C4BPA: variants seen among roughly 807,000 people sequenced by gnomAD.
C4BPA encodes C4b-binding protein alpha chain.
In C4BPA, 31 loss-of-function variants were observed where a neutral mutation model predicts 63.7. That is an observed-to-expected ratio of 0.49 (90% CI 0.37 to 0.66). The LOEUF (loss-of-function observed/expected upper bound fraction) is 0.66. Ranked by LOEUF, C4BPA falls within the 30% of genes least tolerant of loss-of-function variation. The probability of loss-of-function intolerance (pLI) is 0.00; values close to 1 mark genes in which losing one functional copy is unlikely to be tolerated. For missense variants in C4BPA, 572 were observed against 723.3 expected, an observed-to-expected ratio of 0.79 and a Z score of 2.40; for synonymous variants, 259 against 254.7, an observed-to-expected ratio of 1.02 and a Z score of -0.16.
At chr1:207,138,533 G>A (rs2102362068) in intron 9 of C4BPA, among the ~76,000 whole-genome samples, 1 of 152,304 alleles carries the variant, frequency 6.6e-6, no homozygotes, top group South Asian at 2.1e-4. Context: ...GATCTATGGT[G>A]TAACTGTCCT....
intron 9 of C4BPA, among the ~76,000 whole-genome samples, chr1:207,137,229 T>C (rs1012970133): frequency 1.3e-5 from 2 of 152,170 alleles, no homozygotes; most frequent in East Asian, 1.9e-4. Flanking sequence ...GGGGTGGAGG[T>C]GATCTCTCAC....
chr1:207,107,789 A>G (rs976911496), intron 1 of C4BPA, among the ~76,000 whole-genome samples: 3 of 152,176 alleles, frequency 2.0e-5, no homozygotes, highest in African/African-American at 4.8e-5. Context: ...GTCTAGGGTG[A>G]GGGGAAGGGA....
intron 1 of C4BPA, among the ~76,000 whole-genome samples, chr1:207,111,524 T>C (rs1243364907): frequency 1.3e-5 from 2 of 152,100 alleles, no homozygotes; most frequent in East Asian, 3.9e-4. Context: ...CTTATGTGAG[T>C]CTTTACTCAA....
intron 9 of C4BPA, among the ~76,000 whole-genome samples, chr1:207,137,601 GT>G (rs1210034487): frequency 3.3e-5 from 5 of 151,538 alleles, no homozygotes; most frequent in African/African-American, 1.2e-4. Flanking sequence ...GTTTTGTTTT[GT>G]TTTGTTTTGT....
At chr1:207,121,511 T>C (rs1235439389) in intron 4 of C4BPA, among the ~76,000 whole-genome samples, 1 of 152,076 alleles carries the variant, frequency 6.6e-6, no homozygotes, top group Non-Finnish European at 1.5e-5. Flanking sequence ...TGAAACACTT[T>C]TAGGTTTGTC....
chr1:207,122,832 C>T (rs1256676001), intron 4 of C4BPA, among the ~76,000 whole-genome samples: 4 of 152,150 alleles, frequency 2.6e-5, no homozygotes, highest in African/African-American at 9.7e-5. Flanking sequence ...CCTCAGCGTC[C>T]CAAAGTACTG....
At chr1:207,119,059 T>A (rs952066783) in intron 4 of C4BPA, among the ~76,000 whole-genome samples, 2 of 45,498 alleles carry the variant, frequency 4.4e-5, no homozygotes, top group Non-Finnish European at 6.5e-5. Flanking sequence ...GATGAGCGAG[T>A]AAAGCCCACC....
chr1:207,112,189 C>CAT (rs146131868), intron 1 of C4BPA, among the ~76,000 whole-genome samples: 20 of 151,166 alleles, frequency 1.3e-4, no homozygotes, highest in African/African-American at 1.9e-4. Context: ...GTATATTTTT[C>CAT]ATATATATAT....
chr1:207,127,068 A>C (rs957459820), intron 7 of C4BPA, 173 bp downstream of exon 7: 3 of 546,866 alleles, frequency 5.5e-6, no homozygotes, highest in Non-Finnish European at 6.4e-6. Context: ...ATTTTAGTGC[A>C]CTCTGCAAGG....
chr1:207,120,818 T>C (rs1277156003), intron 4 of C4BPA, among the ~76,000 whole-genome samples: 2 of 152,212 alleles, frequency 1.3e-5, no homozygotes, highest in Non-Finnish European at 2.9e-5. Flanking sequence ...AGATTTACTT[T>C]CTTTTTTTGA....
intron 4 of C4BPA, among the ~76,000 whole-genome samples, chr1:207,122,583 T>A (rs909514904): frequency 6.6e-6 from 1 of 152,186 alleles, no homozygotes; most frequent in Non-Finnish European, 1.5e-5. Flanking sequence ...GAAATATATA[T>A]ATTTTTTGAG....
chr1:207,137,684 C>T (rs1279478517), intron 9 of C4BPA, among the ~76,000 whole-genome samples: 2 of 152,112 alleles, frequency 1.3e-5, no homozygotes, highest in Admixed American at 6.5e-5. Context: ...GTGGTGCGAT[C>T]TCGGCTCACG....
chr1:207,128,714 A>G (rs567251794), intron 7 of C4BPA, among the ~76,000 whole-genome samples: 96 of 152,346 alleles, frequency 6.3e-4, no homozygotes, highest in African/African-American at 2.2e-3. Flanking sequence ...GATGTTGCAC[A>G]CTTTGAAGGA....
chr1:207,129,234 T>C (rs1445224334), intron 7 of C4BPA, among the ~76,000 whole-genome samples: 1 of 151,906 alleles, frequency 6.6e-6, no homozygotes, highest in Non-Finnish European at 1.5e-5. Flanking sequence ...ATTGAGATTA[T>C]GCAATTTGAA....
intron 1 of C4BPA, among the ~76,000 whole-genome samples, chr1:207,109,059 T>A (rs895060884): frequency 1.3e-5 from 2 of 152,096 alleles, no homozygotes; most frequent in African/African-American, 4.8e-5. Context: ...GTTATGGATG[T>A]GGATGACTTC....
At position 207,131,753 on chromosome 1, in the gene C4BPA, T is replaced by G. The variant is rs892395387; in HGVS notation, c.1084+13T>G. On this transcript the variant is annotated intron_variant, in intron 8 of 11. Transcript: ENST00000367070. ...CAAGGATGTGAGGGTGAGTTTTTGT[T>G]TTTTAATATTTTTGTATATTAAATG... 1 of 1,576,438 alleles carries G rather than the reference T, an allele frequency of 6.3e-7. No homozygotes were observed. The highest frequency in any genetic ancestry group is 2.2e-5 in the East Asian group (1 of 44,472).
intron 4 of C4BPA, among the ~76,000 whole-genome samples, chr1:207,116,075 G>C (rs1409343140): frequency 6.6e-6 from 1 of 152,170 alleles, no homozygotes; most frequent in Non-Finnish European, 1.5e-5. Flanking sequence ...CAAAGAGTAT[G>C]TATATTTGAA....
chr1:207,143,941 T>C lies in C4BPA; in HGVS notation c.1568T>C (p.Ile523Thr). 1 of 1,609,536 alleles carries C rather than the reference T, an allele frequency of 6.2e-7. No homozygotes were observed. The highest frequency in any genetic ancestry group is 8.5e-7 in the Non-Finnish European group (1 of 1,178,022). The change falls in exon 11 of 12, where the codon ATC becomes ACC. Residue 523 changes from isoleucine (I) to threonine (T), a missense_variant. Around this residue, in one of 2 missense-constraint regions of C4BPA, gnomAD observed 465 missense variants for 629.4 expected, o/e 0.74. Transcript: ENST00000367070. ...TATGGTGTGGTTGGTCCCCAAAGTATCACTTGCTCTGGGAACAGAACCTGG... is the reference window on the plus strand; with the variant it reads ...TATGGTGTGGTTGGTCCCCAAAGTACCACTTGCTCTGGGAACAGAACCTGG... ...SGYGVVGPQS[I>T]TCSGNRTWYP...
intron 10 of C4BPA, 64 bp from the exon 11 acceptor site, chr1:207,143,754 G>A (rs573999937): frequency 9.8e-6 from 11 of 1,122,818 alleles, no homozygotes; most frequent in South Asian, 3.9e-5. Flanking sequence ...CTTATTATCC[G>A]AGACTGTTAT....
Sources: allele counts gnomAD v4.1 joint callset (sites outside exome capture counted in the v4.1 genomes callset), GRCh38; gene constraint gnomAD v4.1.1; regional missense constraint gnomAD v4.1.1; transcripts MANE v1.5; gene names NCBI Gene and HGNC (gene_info 2026-07-23, HGNC 2026-07-21).